The following DHX29 variants were observed in gnomAD, a reference collection of about 807,000 sequenced individuals.
DHX29 encodes ATP-dependent RNA helicase DHX29.
A neutral mutation model predicts 167.9 loss-of-function variants in DHX29; 79 were observed. The observed-to-expected ratio is 0.47, with a 90% CI of 0.39 to 0.57. DHX29 has a LOEUF of 0.57. DHX29 is among the 20% of genes least tolerant of loss of function. DHX29 has a pLI of 0.00. For missense variants in DHX29, 1,347 were observed against 1,593.4 expected (o/e 0.85, Z 2.63); for synonymous variants, 530 against 546.0 (o/e 0.97, Z 0.41).
Position 55,307,656 on chromosome 5 carries a change from C to T in DHX29, c.-83G>A. ...GCCGAGAGCTCTTCACATTCCCCGG[C>T]TCCGGGGCTGCCACCCTGCGCTTCG... is the stretch of plus-strand genomic sequence containing the variant. On this transcript the variant is annotated 5_prime_UTR_variant, in exon 1 of 27. Coordinates refer to ENST00000251636, the MANE Select transcript of DHX29 (RefSeq NM_019030.4). The T allele has an allele frequency of 1.3e-6, 2 of 1,523,744 alleles. No individual in the cohort carries two copies. The highest frequency in any genetic ancestry group is 8.9e-7 in the Non-Finnish European group (1 of 1,125,672). 94.4% of individuals were successfully genotyped at this position (1,523,744 alleles called of 1,614,324 possible). A position where few individuals can be genotyped will look rare whatever the true frequency, so the allele number is the denominator to read the frequency against.
intron 6 of DHX29, 81 bp downstream of exon 6, chr5:55,293,936 T>G: frequency 3.4e-6 from 5 of 1,469,418 alleles, no homozygotes; most frequent in Non-Finnish European, 3.7e-6. Flanking sequence ...AATTTACAAA[T>G]GAGCAAACTA....
chr5:55,285,804 G>C lies in DHX29; in HGVS notation c.1124C>G (p.Thr375Ser). Reference sequence around the variant, plus strand: ...CAGAAATTGTTTGGGAGATTTTCCAGTCCAACTTCGAGCAGTATAGTCAAA... The same window carrying C: ...CAGAAATTGTTTGGGAGATTTTCCACTCCAACTTCGAGCAGTATAGTCAAA... ...RNFDYTARSW[T>S]GKSPKQFLID... The change falls in exon 9 of 27, where the codon ACT (threonine) becomes AGT (serine). Residue 375 changes from threonine to serine, a missense_variant. Physicochemically the swap from Thr to Ser is moderately conservative, Grantham distance 58. Transcript: ENST00000251636. 6.2e-7 allele frequency: 1 copy of C among 1,603,658 alleles called. No individual in the cohort carries two copies. The highest frequency in any genetic ancestry group is 1.7e-5 in the Admixed American group (1 of 59,848).
chr5:55,269,282 T>G, intron 21 of DHX29, 131 bp downstream of exon 21: 2 of 714,068 alleles, frequency 2.8e-6, no homozygotes, highest in Non-Finnish European at 4.5e-6. Context: ...ATTCAGGCCC[T>G]CTCGGTTTTA....
intron 25 of DHX29, 31 bp downstream of exon 25, chr5:55,261,337 A>G (rs761590942): frequency 2.2e-5 from 29 of 1,344,762 alleles, no homozygotes; most frequent in Middle Eastern, 1.9e-4. Flanking sequence ...GAAAATTTTT[A>G]ATAATCAATA....
At chr5:55,280,246 T>G (rs1225274993) in intron 12 of DHX29, among the ~76,000 whole-genome samples, 2 of 152,128 alleles carry the variant, frequency 1.3e-5, no homozygotes, top group Non-Finnish European at 2.9e-5. Context: ...CAGTTAACTG[T>G]GTCTACAAAT....
Position 55,285,634 on chromosome 5 carries a change from C to A in DHX29, c.1232+62G>T. 9 of 1,482,008 alleles carry A rather than the reference C, an allele frequency of 6.1e-6. No individual in the cohort carries two copies. The Middle Eastern group carries it at 1.0e-3, about 169-fold the overall frequency. The allele number at this position is 1,482,008 out of a possible 1,614,324, so 91.8% of individuals were successfully genotyped here. ...TACCTCACAGGGAACAAAAAGATTT[C>A]CACCTTAAATTTTTCTAAAGTTCAT... On this transcript the variant is annotated intron_variant, in intron 9 of 26. Coordinates refer to ENST00000251636, the MANE Select transcript of DHX29 (RefSeq NM_019030.4).
intron 8 of DHX29, among the ~76,000 whole-genome samples, chr5:55,288,112 G>A (rs568154004): frequency 1.3e-5 from 2 of 150,688 alleles, no homozygotes; most frequent in East Asian, 4.0e-4. Context: ...GCATGGGGGT[G>A]CATGCCTGTA....
At chr5:55,276,917 T>G (rs1747143443) in intron 13 of DHX29, among the ~76,000 whole-genome samples, 189 bp downstream of exon 13, 1 of 152,166 alleles carries the variant, frequency 6.6e-6, no homozygotes, top group Non-Finnish European at 1.5e-5. Context: ...AATACCCTCC[T>G]TTCTCTCCTA....
chr5:55,267,963 G>C (rs1579760737), intron 21 of DHX29, 141 bp from the exon 22 acceptor site: 2 of 399,072 alleles, frequency 5.0e-6, no homozygotes, highest in African/African-American at 4.1e-5. Context: ...ATGTTTATTA[G>C]TATTATTATA....
intron 13 of DHX29, 39 bp downstream of exon 13, chr5:55,277,067 G>A: frequency 6.9e-7 from 1 of 1,450,512 alleles, no homozygotes; most frequent in Non-Finnish European, 9.5e-7. Context: ...TGGTGGGAAT[G>A]CAGTTTCTGC....
intron 6 of DHX29, among the ~76,000 whole-genome samples, chr5:55,292,144 T>C (rs1248126875): frequency 2.0e-5 from 3 of 152,206 alleles, no homozygotes; most frequent in Admixed American, 2.0e-4. Flanking sequence ...CCACCAACAG[T>C]ACACAGGGTT....
rs755425951 is a variant in DHX29, at chr5:55,276,416, A to G, written c.2287-10T>C. 1 of 1,576,336 alleles carries G rather than the reference A, an allele frequency of 6.3e-7. No homozygotes were observed. The highest frequency in any genetic ancestry group is 1.2e-5 in the South Asian group (1 of 84,216). ...CTTCAAGATGAAAAACCTGCATAGA[A>G]TAAGGCATATAAATGGGTGAATTCA... On this transcript the variant is annotated splice_polypyrimidine_tract_variant and intron_variant, in intron 13 of 26. Transcript: ENST00000251636.
intron 21 of DHX29, 47 bp downstream of exon 21, chr5:55,269,366 G>A: frequency 1.9e-6 from 3 of 1,575,614 alleles, no homozygotes; most frequent in Non-Finnish European, 2.6e-6. Context: ...TAATTTCCTG[G>A]TCAAAGGATA....
chr5:55,298,759 G>A (rs901910925), intron 1 of DHX29, 95 bp from the exon 2 acceptor site: 49 of 584,192 alleles, frequency 8.4e-5, no homozygotes, highest in Middle Eastern at 5.2e-4. Flanking sequence ...GGCCGGGCGC[G>A]GTGGCTCACG....
Position 55,267,823 on chromosome 5 carries a change from C to A in DHX29, c.3295-1G>T. ...CTGTCATAACTGCAGCTAGTGTTGC[C>A]TATCCATAAATCATAAATGACAAAA... On this transcript the variant is annotated splice_acceptor_variant, in intron 21 of 26. Coordinates refer to ENST00000251636, the MANE Select transcript of DHX29 (RefSeq NM_019030.4). LOFTEE classifies it high-confidence loss of function. 6.3e-7 allele frequency: 1 copy of A among 1,590,540 alleles called. No individual in the cohort carries two copies. The highest frequency in any genetic ancestry group is 1.2e-5 in the South Asian group (1 of 86,776).
intron 17 of DHX29, among the ~76,000 whole-genome samples, chr5:55,272,998 T>C (rs1280626785): frequency 6.6e-6 from 1 of 151,808 alleles, no homozygotes; most frequent in East Asian, 1.9e-4. Flanking sequence ...TGATGCCTTC[T>C]TGGGAAAAAG....
At chr5:55,283,124 C>G in intron 11 of DHX29, 79 bp downstream of exon 11, 1 of 1,465,780 alleles carries the variant, frequency 6.8e-7, no homozygotes, top group East Asian at 2.3e-5. Context: ...ACATATGGTA[C>G]ACATTCCATT....
chr5:55,268,242 C>T (rs1027751876), intron 21 of DHX29, among the ~76,000 whole-genome samples: 5 of 152,014 alleles, frequency 3.3e-5, no homozygotes, highest in Non-Finnish European at 5.9e-5. Context: ...CTTAGTCTGC[C>T]GTGATCTTTA....
intron 9 of DHX29, 49 bp downstream of exon 9, chr5:55,285,647 T>C: frequency 6.6e-7 from 1 of 1,507,520 alleles, no homozygotes; most frequent in Non-Finnish European, 8.9e-7. Flanking sequence ...CCTTAAATTT[T>C]TCTAAAGTTC....
Sources: gnomAD v4.1 joint callset for allele counts (sites outside exome capture counted in the v4.1 genomes callset) on GRCh38, gnomAD v4.1.1 for gene constraint, MANE v1.5 for transcripts, NCBI Gene and HGNC (gene_info 2026-07-23, HGNC 2026-07-21) for gene names.